Variants in MTNR1A observed in about 807,000 individuals in gnomAD.
MTNR1A encodes melatonin receptor type 1A.
MTNR1A carries 7 observed loss-of-function variants against 5.5 expected under a neutral mutation model. The ratio of observed to expected loss-of-function variants is 1.28; its 90% CI spans 0.73 to 2.40. The LOEUF is 2.40. Among genes scored for constraint, MTNR1A ranks in the 30% most tolerant of loss-of-function variants. The pLI is 0.00. For synonymous variants in MTNR1A, 196 were observed against 202.7 expected (o/e 0.97, Z 0.28); for missense variants, 441 against 464.4 (o/e 0.95, Z 0.46).
intron 1 of MTNR1A, among the ~76,000 whole-genome samples, chr4:186,535,132 C>T (rs956138144): frequency 6.6e-6 from 1 of 152,138 alleles, no homozygotes; most frequent in African/African-American, 2.4e-5. Flanking sequence ...AAGCACCTGC[C>T]TCCTCCCCTG....
In MTNR1A at chr4:186,537,613, T is replaced by C. The variant is rs111459271; in HGVS notation, c.185-3056A>G. 4.3e-3 allele frequency among the ~76,000 whole-genome samples: 662 copies of C among 152,366 alleles called. 4 individuals carry two copies. The highest frequency in any genetic ancestry group is 0.014 in the Middle Eastern group (4 of 294). On this transcript the variant is annotated intron_variant, in intron 1 of 1. Transcript: ENST00000307161. Reference sequence around the variant, plus strand: ...GTTAATGATCTCCCTGGATAATTCCTACTTTTTAAAGATGAGAAAACAAAA... The same window carrying C: ...GTTAATGATCTCCCTGGATAATTCCCACTTTTTAAAGATGAGAAAACAAAA...
intron 1 of MTNR1A, among the ~76,000 whole-genome samples, chr4:186,551,259 C>A (rs1225035196): frequency 3.9e-5 from 6 of 152,120 alleles, no homozygotes; most frequent in African/African-American, 1.4e-4. Flanking sequence ...AAATCTCAGG[C>A]CTTCTTGCTG....
At chr4:186,543,407 T>C (rs62350389) in intron 1 of MTNR1A, among the ~76,000 whole-genome samples, 5,838 of 152,218 alleles carry the variant, frequency 0.038, 120 homozygotes, top group East Asian at 0.062. Flanking sequence ...CACCAGAACA[T>C]GCAAAGAGCC....
In MTNR1A at chr4:186,555,260, A is replaced by G; in HGVS notation, c.106T>C (p.Phe36Leu). ...LASALACVLI[F>L]TIVVDILGNL... ...CCCAGGATGTCCACCACGATGGTGA[A>G]GATGAGGACGCAGGCCAGGGCGGAC... Residue 36 changes from phenylalanine to leucine, a missense_variant, in exon 1 of 2, where the codon TTC (phenylalanine) becomes CTC (leucine). By Grantham distance (22) the Phe-to-Leu change is conservative. Coordinates refer to ENST00000307161, the MANE Select transcript of MTNR1A (RefSeq NM_005958.4). This position sits in a 1 kb window ranked among gnomAD's most constrained non-coding sequence, Gnocchi z 4.1. The G allele has an allele frequency of 1.9e-6, 3 of 1,565,598 alleles. No homozygotes were observed. The highest frequency in any genetic ancestry group is 2.3e-5 in the South Asian group (2 of 85,248).
chr4:186,534,741 G>C (rs1170445989), intron 1 of MTNR1A, among the ~76,000 whole-genome samples, 184 bp from the exon 2 acceptor site: 1 of 152,022 alleles, frequency 6.6e-6, no homozygotes, highest in Non-Finnish European at 1.5e-5. Flanking sequence ...CTGACACATC[G>C]AATCCGCTGT....
chr4:186,546,609 C>T (rs1232075554), intron 1 of MTNR1A, among the ~76,000 whole-genome samples: 1 of 149,144 alleles, frequency 6.7e-6, no homozygotes, highest in African/African-American at 2.6e-5. Flanking sequence ...TCACCTTGCA[C>T]CCTGTTCATA....
intron 1 of MTNR1A, among the ~76,000 whole-genome samples, chr4:186,546,692 C>A (rs991099620): frequency 5.9e-5 from 9 of 151,474 alleles, no homozygotes; most frequent in African/African-American, 2.2e-4. Context: ...ACCCACACCA[C>A]ACCTGTTCAT....
chr4:186,538,448 ACTCCGAGT>A (rs1436623444), intron 1 of MTNR1A, among the ~76,000 whole-genome samples: 1 of 152,088 alleles, frequency 6.6e-6, no homozygotes, highest in African/African-American at 2.4e-5. Context: ...CAAGCTCGGC[ACTCCGAGT>A]CTCATCTGCT....
rs1736770389 is a variant in MTNR1A at position 186,533,915 on chromosome 4, A to G, written c.827T>C (p.Leu276Pro). 6.2e-7 allele frequency: 1 copy of G among 1,614,062 alleles called. No homozygotes were observed. Among genetic ancestry groups the G allele is most frequent in the African/African-American group, 1.3e-5 (1 of 74,928 alleles). The change falls in exon 2 of 2, where the codon CTG becomes CCG. Residue 276 changes from leucine to proline, a missense_variant. By Grantham distance (98) the Leu-to-Pro change is moderately conservative. Coordinates refer to ENST00000307161, the MANE Select transcript of MTNR1A (RefSeq NM_005958.4). Reference protein sequence around the residue: ...ASMVPRIPEWLFVASYYMAYF... With the variant: ...ASMVPRIPEWPFVASYYMAYF... ...CGCCATGTAGTAACTGGCCACAAAC[A>G]GCCACTCTGGGATCCTAGGCACCAT...
At chr4:186,543,226 C>G (rs778408880) in intron 1 of MTNR1A, among the ~76,000 whole-genome samples, 7 of 152,178 alleles carry the variant, frequency 4.6e-5, no homozygotes, top group Non-Finnish European at 1.0e-4. Context: ...CAAGGGGAAA[C>G]TGGGTTATGA....
At position 186,546,001 on chromosome 4, in the gene MTNR1A, T is replaced by G. The variant is rs75689765; in HGVS notation, c.184+9181A>C. 3.6e-4 allele frequency among the ~76,000 whole-genome samples: 55 copies of G among 152,232 alleles called. 1 individual carries two copies. The East Asian group carries it at 9.3e-3, about 26-fold the overall frequency. ...AGATTACTAGAGGCAGTGTGCACCA[T>G]GAGTGTGGAAACAAAAGCCGGATTC... On this transcript the variant is annotated intron_variant, in intron 1 of 1. Coordinates refer to ENST00000307161, the MANE Select transcript of MTNR1A (RefSeq NM_005958.4).
rs116135413 is a variant in MTNR1A, at chr4:186,539,389, G to A, written c.185-4832C>T. 9.0e-3 allele frequency among the ~76,000 whole-genome samples: 1,374 copies of A among 152,176 alleles called. 28 individuals are homozygous for A. Among genetic ancestry groups the A allele is most frequent in the African/African-American group, 0.03 (1,247 of 41,524 alleles). ...ACTCAAAAAGCTGTCAGTGTTGACTGGAGCCCAGAACAAGGCCCTGAAGGC... is the reference window on the plus strand; with the variant it reads ...ACTCAAAAAGCTGTCAGTGTTGACTAGAGCCCAGAACAAGGCCCTGAAGGC... On this transcript the variant is annotated intron_variant, in intron 1 of 1. Transcript: ENST00000307161.
chr4:186,541,760 A>C (rs1737029152), intron 1 of MTNR1A, among the ~76,000 whole-genome samples: 1 of 152,204 alleles, frequency 6.6e-6, no homozygotes, highest in Admixed American at 6.5e-5. Flanking sequence ...TTGAGGTGGG[A>C]CAGTTTCATC....
intron 1 of MTNR1A, among the ~76,000 whole-genome samples, chr4:186,550,757 C>G (rs1737251727): frequency 6.6e-6 from 1 of 152,176 alleles, no homozygotes; most frequent in Non-Finnish European, 1.5e-5. Flanking sequence ...GAAATACTTT[C>G]TTACGAAATG....
At position 186,542,229 on chromosome 4, in the gene MTNR1A, T is replaced by C. The variant is rs114657573; in HGVS notation, c.185-7672A>G. On this transcript the variant is annotated intron_variant, in intron 1 of 1. Coordinates refer to ENST00000307161, the MANE Select transcript of MTNR1A (RefSeq NM_005958.4). ...AGACGCTGCTGGTAGGTGGATTACATACCACTTCCATCATCAAAGGGAGCA... is the reference window on the plus strand; with the variant it reads ...AGACGCTGCTGGTAGGTGGATTACACACCACTTCCATCATCAAAGGGAGCA... Among the ~76,000 whole-genome samples, 1,372 of 152,292 alleles carry C rather than the reference T, an allele frequency of 9.0e-3. 28 individuals are homozygous for C. The highest frequency in any genetic ancestry group is 0.03 in the African/African-American group (1,245 of 41,566).
intron 1 of MTNR1A, among the ~76,000 whole-genome samples, chr4:186,548,139 G>A (rs1310192743): frequency 6.6e-6 from 1 of 151,988 alleles, no homozygotes; most frequent in East Asian, 1.9e-4. Context: ...CTCTCTTTAG[G>A]GTAGGAGTCT....
intron 1 of MTNR1A, among the ~76,000 whole-genome samples, chr4:186,554,938 G>A (rs1486251215): frequency 2.0e-5 from 3 of 152,224 alleles, no homozygotes; most frequent in Non-Finnish European, 4.4e-5. Flanking sequence ...CCAGACGGGG[G>A]TGTCCCCATA....
intron 1 of MTNR1A, among the ~76,000 whole-genome samples, chr4:186,544,277 C>T (rs1350092602): frequency 6.6e-6 from 1 of 152,170 alleles, no homozygotes; most frequent in Non-Finnish European, 1.5e-5. Flanking sequence ...CCTCGGCCTC[C>T]CAAAGTACTG....
chr4:186,552,260 T>C (rs749813875), intron 1 of MTNR1A, among the ~76,000 whole-genome samples: 1 of 152,214 alleles, frequency 6.6e-6, no homozygotes, highest in Non-Finnish European at 1.5e-5. Context: ...ATCTTCCTCC[T>C]AATTTCCTGC....
Sources: allele counts gnomAD v4.1 joint callset (sites outside exome capture counted in the v4.1 genomes callset), GRCh38; gene constraint gnomAD v4.1.1; non-coding constraint Gnocchi (gnomAD v3.1); transcripts MANE v1.5; gene names NCBI Gene and HGNC (gene_info 2026-07-23, HGNC 2026-07-21).